Variants in CCDC38 observed in about 807,000 individuals in gnomAD.
CCDC38 encodes the protein coiled-coil domain-containing protein 38.
CCDC38 carries 69 observed loss-of-function variants against 72.8 expected under a neutral mutation model. The ratio of observed to expected loss-of-function variants is 0.95; its 90% CI spans 0.78 to 1.16. CCDC38 has a LOEUF of 1.16. CCDC38 is among the 50% of genes most tolerant of loss of function. The pLI, the probability that CCDC38 is intolerant of heterozygous loss-of-function variation, is 0.00. For missense variants in CCDC38, 626 were observed against 638.9 expected, an observed-to-expected ratio of 0.98 and a Z score of 0.22; for synonymous variants, 201 against 213.2, an observed-to-expected ratio of 0.94 and a Z score of 0.50.
chr12:95,907,667 G>C lies in CCDC38; in HGVS notation c.305-1216C>G, dbSNP rs1329936104. ...GACGGGGTGGCTGCCGGGCAGAGGG[G>C]CTCCTCACTTCTCAGACGGGGCGGC... On this transcript the variant is annotated intron_variant, in intron 4 of 15. Coordinates refer to ENST00000344280, the MANE Select transcript of CCDC38 (RefSeq NM_182496.3). 1.3e-4 allele frequency among the ~76,000 whole-genome samples: 18 copies of C among 142,756 alleles called. 1 individual carries two copies. The highest frequency in any genetic ancestry group is 1.2e-3 in the Admixed American group (18 of 14,822). The allele number at this position is 142,756 out of a possible 152,430, so 93.7% of individuals were successfully genotyped here.
chr12:95,906,553 G>T, intron 4 of CCDC38, 102 bp from the exon 5 acceptor site: 3 of 756,654 alleles, frequency 4.0e-6, no homozygotes, highest in South Asian at 1.9e-5. Context: ...GTATGTATCT[G>T]ATCTTTTAAA....
chr12:95,867,921 G>A (rs1240689964), intron 15 of CCDC38, among the ~76,000 whole-genome samples: 2 of 152,082 alleles, frequency 1.3e-5, no homozygotes, highest in Non-Finnish European at 2.9e-5. Flanking sequence ...GACATTGTAG[G>A]ACAATTCTTA....
At chr12:95,884,134 G>T (rs552320990) in intron 10 of CCDC38, among the ~76,000 whole-genome samples, 7 of 152,312 alleles carry the variant, frequency 4.6e-5, no homozygotes, top group African/African-American at 1.4e-4. Context: ...CAGAAAGGAA[G>T]AAATAAAGCT....
Position 95,917,140 on chromosome 12 carries a change from C to T in CCDC38, c.293G>A (p.Arg98Lys), listed in dbSNP as rs1225108316. The T allele has an allele frequency of 1.9e-6, 3 of 1,575,912 alleles. No individual in the cohort carries two copies. Among genetic ancestry groups the T allele is most frequent in the East Asian group, 2.3e-5 (1 of 43,906 alleles). Residue 98 changes from arginine to lysine, a missense_variant, in exon 4 of 16, where the codon AGA (arginine) becomes AAA (lysine). Arg to Lys is a conservative substitution (Grantham distance 26). Coordinates refer to ENST00000344280, the MANE Select transcript of CCDC38 (RefSeq NM_182496.3). ...KFGPGPAPIP[R>K]LIEGSDTKRT... is the part of the protein sequence containing the mutation. ...TAATTTAGACTCACCTTCTATTAAT[C>T]TAGGAATCGGAGCAGGACCTGGCCC...
At chr12:95,941,919 T>C (rs181181217) in intron 1 of CCDC38, among the ~76,000 whole-genome samples, 19 of 151,466 alleles carry the variant, frequency 1.3e-4, no homozygotes, top group Admixed American at 4.6e-4. Flanking sequence ...ATTTTTATCT[T>C]TCTCTTTCCT....
At chr12:95,885,006 A>T (rs2079742356) in intron 10 of CCDC38, among the ~76,000 whole-genome samples, 1 of 152,256 alleles carries the variant, frequency 6.6e-6, no homozygotes, top group Admixed American at 6.5e-5. Flanking sequence ...TTTTTTGTAG[A>T]TATAGATAAG....
At chr12:95,932,375 C>A (rs893516776) in intron 2 of CCDC38, among the ~76,000 whole-genome samples, 3 of 151,982 alleles carry the variant, frequency 2.0e-5, no homozygotes, top group Admixed American at 1.3e-4. Context: ...TCCTTCTTTC[C>A]CTCCTTTCTT....
chr12:95,943,203 G>T (rs2080472247), upstream of CCDC38: 1 of 561,898 alleles, frequency 1.8e-6, no homozygotes, highest in Non-Finnish European at 3.0e-6. Flanking sequence ...TTTATTACTC[G>T]TTGCCATTCT....
At chr12:95,884,069 C>T (rs1367037251) in intron 10 of CCDC38, among the ~76,000 whole-genome samples, 1 of 152,106 alleles carries the variant, frequency 6.6e-6, no homozygotes, top group East Asian at 1.9e-4. Context: ...TATTCAACAT[C>T]AAAAGTTCTA....
At chr12:95,904,847 AAGAC>A (rs1363499506) in intron 5 of CCDC38, among the ~76,000 whole-genome samples, 3 of 152,172 alleles carry the variant, frequency 2.0e-5, no homozygotes, top group Admixed American at 2.0e-4. Flanking sequence ...ATATTAAAGA[AAGAC>A]AGCCTGATTA....
chr12:95,918,488 C>T (rs1034016390), intron 3 of CCDC38, among the ~76,000 whole-genome samples: 5 of 152,144 alleles, frequency 3.3e-5, no homozygotes, highest in African/African-American at 1.2e-4. Context: ...CTCTGAGATG[C>T]CACTTATTGT....
chr12:95,872,120 A>G, intron 14 of CCDC38, 135 bp downstream of exon 14: 1 of 724,136 alleles, frequency 1.4e-6, no homozygotes, highest in Non-Finnish European at 2.4e-6. Context: ...CTATATGAGG[A>G]GAGCAGGGCT....
Position 95,888,472 on chromosome 12 carries a change from C to G in CCDC38, c.906G>C (p.Glu302Asp). 6.2e-7 allele frequency: 1 copy of G among 1,614,014 alleles called. No individual in the cohort carries two copies. Residue 302 changes from glutamate (E) to aspartate (D), a missense_variant, in exon 10 of 16, where the codon GAG becomes GAC. Glu to Asp is a conservative substitution (Grantham distance 45, BLOSUM62 2). Coordinates refer to ENST00000344280, the MANE Select transcript of CCDC38 (RefSeq NM_182496.3). ...KPSRSLTRTPEKKKSNLAESF... is the reference protein window; with the variant it reads ...KPSRSLTRTPDKKKSNLAESF... ...ATATACTGTACTTTGATTTCTTTTT[C>G]TCTGGAGTGCGAGTCAGGCTTCTGC...
intron 7 of CCDC38, among the ~76,000 whole-genome samples, chr12:95,897,168 G>A (rs1382763210): frequency 6.6e-6 from 1 of 152,152 alleles, no homozygotes; most frequent in African/African-American, 2.4e-5. Flanking sequence ...AGAAGCCTAG[G>A]ACCTAGTTCT....
intron 13 of CCDC38, among the ~76,000 whole-genome samples, chr12:95,876,015 A>T (rs1189791398): frequency 6.6e-6 from 1 of 152,208 alleles, no homozygotes; most frequent in East Asian, 1.9e-4. Context: ...TTTCAGAATT[A>T]TTTTAAACAG....
intron 15 of CCDC38, among the ~76,000 whole-genome samples, chr12:95,868,411 G>A (rs143297498): frequency 2.2e-4 from 33 of 152,210 alleles, no homozygotes; most frequent in African/African-American, 7.7e-4. Context: ...TTAATTCTTG[G>A]GAGGAGAGGA....
At chr12:95,929,713 T>C (rs2136737189) in intron 2 of CCDC38, among the ~76,000 whole-genome samples, 1 of 152,366 alleles carries the variant, frequency 6.6e-6, no homozygotes, top group South Asian at 2.1e-4. Context: ...GAAAACTAAA[T>C]TTCTGAACAC....
At position 95,892,742 on chromosome 12, in the gene CCDC38, G is replaced by A. The variant is rs1300013997; in HGVS notation, c.773-1812C>T. Among the ~76,000 whole-genome samples, 4 of 151,798 alleles carry A rather than the reference G, an allele frequency of 2.6e-5. 1 individual carries two copies. The highest frequency in any genetic ancestry group is 5.9e-5 in the Non-Finnish European group (4 of 67,964). ...GCGCCACCATGCCTGGCTAATTTTT[G>A]TATTTTTTAGTAGAGACGGGGTTTC... On this transcript the variant is annotated intron_variant, in intron 8 of 15. Coordinates refer to ENST00000344280, the MANE Select transcript of CCDC38 (RefSeq NM_182496.3).
chr12:95,891,265 C>T lies in CCDC38; in HGVS notation c.773-335G>A, dbSNP rs546046009. The stretch of plus-strand genomic sequence containing the variant: ...TAACTCCTTAAATCCCAAATGTTAG[C>T]TTTCAAGCCTCTGGACTGACAGACT... On this transcript the variant is annotated intron_variant, in intron 8 of 15. Transcript: ENST00000344280. Among the ~76,000 whole-genome samples, 3 of 152,322 alleles carry T rather than the reference C, an allele frequency of 2.0e-5. No homozygotes were observed. In the East Asian group the frequency reaches 5.8e-4, roughly 29 times the overall value.
Sources: gnomAD v4.1 joint callset for allele counts (sites outside exome capture counted in the v4.1 genomes callset) on GRCh38, gnomAD v4.1.1 for gene constraint, MANE v1.5 for transcripts, NCBI Gene and HGNC (gene_info 2026-07-23, HGNC 2026-07-21) for gene names.